The following RGSL1 variants were observed in gnomAD, a reference collection of about 807,000 sequenced individuals.
RGSL1 encodes regulator of G protein signaling protein-like.
Under a neutral mutation model 124.7 loss-of-function variants are expected in RGSL1, and 97 were observed. The observed-to-expected ratio is 0.78, with a 90% CI of 0.66 to 0.92. RGSL1 has a LOEUF of 0.92. Ranked by LOEUF, RGSL1 falls within the 40% of genes least tolerant of loss-of-function variation. RGSL1 has a pLI of 0.00. For synonymous variants in RGSL1, 424 were observed against 438.1 expected (o/e 0.97, Z 0.40); for missense variants, 1,233 against 1,288.4 (o/e 0.96, Z 0.66).
In RGSL1 at chr1:182,460,126, A is replaced by G; in HGVS notation, c.294A>G (p.Pro98=). ...AGTTCATCAGTTTCATTAAGTCCCCAGAAGGAGGTAAGCATTGGTGTGCAT... is the reference window on the plus strand; with the variant it reads ...AGTTCATCAGTTTCATTAAGTCCCCGGAAGGAGGTAAGCATTGGTGTGCAT... The part of the protein sequence containing the change: ...CQEFISFIKS[P]EGGEELVDFW... The change falls in exon 4 of 22, where the codon CCA becomes CCG. Residue 98 remains proline, a synonymous_variant. Coordinates refer to ENST00000294854, the MANE Select transcript of RGSL1 (RefSeq NM_001137669.2). The G allele has an allele frequency of 6.4e-7, 1 of 1,550,486 alleles. No homozygotes were observed. The highest frequency in any genetic ancestry group is 8.7e-7 in the Non-Finnish European group (1 of 1,146,662).
chr1:182,483,861 G>GT (rs1447334573), intron 6 of RGSL1, among the ~76,000 whole-genome samples: 1 of 152,080 alleles, frequency 6.6e-6, no homozygotes, highest in East Asian at 1.9e-4. Context: ...GGTTGTAACT[G>GT]TAATTCTACC....
At chr1:182,474,620 A>C in intron 6 of RGSL1, 78 bp downstream of exon 6, 1 of 1,448,780 alleles carries the variant, frequency 6.9e-7, no homozygotes, top group Non-Finnish European at 9.1e-7. Flanking sequence ...CTGGTCACCT[A>C]TACTGGCTAA....
chr1:182,458,360 G>A lies in RGSL1; in HGVS notation c.138G>A (p.Gln46=). Residue 46 remains glutamine, a synonymous_variant, in exon 3 of 22, where the codon CAG becomes CAA. Coordinates refer to ENST00000294854, the MANE Select transcript of RGSL1 (RefSeq NM_001137669.2). Reference sequence around the variant, plus strand: ...CATTTTATACTGTTGAAAATTCACAGTGGAGCTTGTGGCCAGAAATACCTT... The same window carrying A: ...CATTTTATACTGTTGAAAATTCACAATGGAGCTTGTGGCCAGAAATACCTT... ...QTPFYTVENS[Q]WSLWPEIPCN... 1 of 1,552,166 alleles carries A rather than the reference G, an allele frequency of 6.4e-7. No individual in the cohort carries two copies. Among genetic ancestry groups the A allele is most frequent in the Non-Finnish European group, 8.7e-7 (1 of 1,147,072 alleles).
At chr1:182,527,087 G>A (rs944188029) in intron 10 of RGSL1, among the ~76,000 whole-genome samples, 1 of 152,086 alleles carries the variant, frequency 6.6e-6, no homozygotes, top group Non-Finnish European at 1.5e-5. Context: ...AATAAAAATT[G>A]AAATCACAGA....
chr1:182,552,674 A>C (rs918784210), intron 18 of RGSL1, among the ~76,000 whole-genome samples: 3 of 152,202 alleles, frequency 2.0e-5, no homozygotes, highest in Non-Finnish European at 4.4e-5. Context: ...GTAATTCATA[A>C]AGAAAGGAAT....
chr1:182,512,268 T>G (rs919655758), intron 9 of RGSL1, among the ~76,000 whole-genome samples: 8 of 152,168 alleles, frequency 5.3e-5, no homozygotes, highest in African/African-American at 1.9e-4. Context: ...ATAGTGACTC[T>G]CTGTCTCTTT....
At chr1:182,525,286 T>A (rs962970723) in intron 10 of RGSL1, among the ~76,000 whole-genome samples, 1 of 151,876 alleles carries the variant, frequency 6.6e-6, no homozygotes, top group Non-Finnish European at 1.5e-5. Context: ...ACAGGGAGAA[T>A]AAAGGCAGTC....
At chr1:182,480,114 G>T (rs72725009) in intron 6 of RGSL1, among the ~76,000 whole-genome samples, 2,665 of 152,200 alleles carry the variant, frequency 0.018, 43 homozygotes, top group Non-Finnish European at 0.026. Context: ...AGAAAGAGCA[G>T]AACTGACCAA....
At chr1:182,499,261 A>G (rs1656172808) in intron 9 of RGSL1, among the ~76,000 whole-genome samples, 1 of 152,166 alleles carries the variant, frequency 6.6e-6, no homozygotes, top group South Asian at 2.1e-4. Context: ...TTCTAATACC[A>G]TCAGTGGGGT....
intron 9 of RGSL1, among the ~76,000 whole-genome samples, chr1:182,507,538 T>C (rs1335615604): frequency 6.6e-6 from 1 of 152,202 alleles, no homozygotes; most frequent in Admixed American, 6.5e-5. Context: ...GTTTCATTCA[T>C]GTTGCTGCAA....
At chr1:182,475,974 G>T (rs537726413) in intron 6 of RGSL1, among the ~76,000 whole-genome samples, 2 of 152,290 alleles carry the variant, frequency 1.3e-5, no homozygotes, top group African/African-American at 4.8e-5. Context: ...ACAGATAAGG[G>T]AATTGAGTCA....
intron 6 of RGSL1, among the ~76,000 whole-genome samples, chr1:182,487,642 T>C (rs1655190586): frequency 1.3e-5 from 2 of 152,206 alleles, no homozygotes; most frequent in African/African-American, 2.4e-5. Flanking sequence ...TGTTAGAGCA[T>C]GTGTTATGCT....
chr1:182,472,361 G>A (rs1477191191), intron 4 of RGSL1, 35 bp from the exon 5 acceptor site: 3 of 1,512,310 alleles, frequency 2.0e-6, no homozygotes, highest in African/African-American at 2.8e-5. Context: ...GCAAAACTAG[G>A]GTATAGCTCT....
At chr1:182,499,645 T>C (rs747796476) in intron 9 of RGSL1, among the ~76,000 whole-genome samples, 6 of 152,234 alleles carry the variant, frequency 3.9e-5, no homozygotes, top group Non-Finnish European at 7.3e-5. Context: ...ACTCTGTGCC[T>C]TTTAATTGGG....
At position 182,454,002 on chromosome 1, in the gene RGSL1, GT is replaced by G; in HGVS notation, c.59del (p.Val20AlafsTer38). On this transcript the variant is annotated frameshift_variant, in exon 2 of 22. Transcript: ENST00000294854. LOFTEE classifies it high-confidence loss of function. The part of the protein sequence containing the change: ...TNLIILLEDE[V>X]FADFFNTFLS... ...TCTTATAATTCTGCTAGAGGATGAAGTCTTTGCCGATTTTTTCAACACATTT... is the reference window on the plus strand; with the variant it reads ...TCTTATAATTCTGCTAGAGGATGAAGCTTTGCCGATTTTTTCAACACATTT... 1 of 1,537,154 alleles carries G rather than the reference GT, an allele frequency of 6.5e-7. No homozygotes were observed.
At chr1:182,488,845 G>A in intron 7 of RGSL1, 135 bp from the exon 8 acceptor site, 1 of 655,986 alleles carries the variant, frequency 1.5e-6, no homozygotes, top group Non-Finnish European at 2.6e-6. Flanking sequence ...AAGGAGCAAT[G>A]GTTCTTAACA....
chr1:182,455,958 C>A (rs1452884080), intron 2 of RGSL1, among the ~76,000 whole-genome samples: 2 of 151,940 alleles, frequency 1.3e-5, no homozygotes, highest in East Asian at 3.9e-4. Context: ...GGGCAGGAGA[C>A]CTTAATGGAG....
At position 182,527,861 on chromosome 1, in the gene RGSL1, C is replaced by T. The variant is rs1658871232; in HGVS notation, c.2125+89C>T. On this transcript the variant is annotated intron_variant, in intron 11 of 21. Coordinates refer to ENST00000294854, the MANE Select transcript of RGSL1 (RefSeq NM_001137669.2). ...AAATAGCCTACCTCATGTGAGCCCC[C>T]AGAGAGAGCAGTACAGAGCAGCAGC... The T allele has an allele frequency of 1.4e-5, 15 of 1,109,704 alleles. No homozygotes were observed. In the South Asian group the frequency reaches 2.1e-4, roughly 15 times the overall value. 68.7% of individuals were successfully genotyped at this position (1,109,704 alleles called of 1,614,324 possible).
rs965574967 is a variant in RGSL1 at position 182,551,084 on chromosome 1, G to A, written c.2934-16G>A. 3.3e-6 allele frequency: 5 copies of A among 1,535,586 alleles called. No individual in the cohort carries two copies. In the African/African-American group the frequency reaches 5.5e-5, roughly 17 times the overall value. ...TGGGGGTTCCCTCCTATGACCAGAA[G>A]CCATTCTTCCCACAGGTTTTGTTTC... On this transcript the variant is annotated splice_polypyrimidine_tract_variant and intron_variant, in intron 17 of 21. Coordinates refer to ENST00000294854, the MANE Select transcript of RGSL1 (RefSeq NM_001137669.2).
Sources: allele counts gnomAD v4.1 joint callset (sites outside exome capture counted in the v4.1 genomes callset), GRCh38; gene constraint gnomAD v4.1.1; transcripts MANE v1.5; gene names NCBI Gene and HGNC (gene_info 2026-07-23, HGNC 2026-07-21).